The following ASAP2 variants were observed in gnomAD, a reference collection of about 807,000 sequenced individuals.
ASAP2 encodes the protein arf-GAP with SH3 domain, ANK repeat and PH domain-containing protein 2.
ASAP2 carries 45 observed loss-of-function variants against 131.4 expected under a neutral mutation model. The observed-to-expected ratio is 0.34, with a 90% CI of 0.27 to 0.44. The LOEUF (loss-of-function observed/expected upper bound fraction) is 0.44. ASAP2 is among the 20% of genes least tolerant of loss of function. The pLI, the probability that ASAP2 is intolerant of heterozygous loss-of-function variation, is 1.00. For missense variants in ASAP2, 1,011 were observed against 1,297.0 expected (o/e 0.78, Z 3.39); for synonymous variants, 510 against 503.0 (o/e 1.01, Z -0.19).
chr2:9,402,866 G>A (rs559115882), intron 27 of ASAP2, among the ~76,000 whole-genome samples: 21 of 152,160 alleles, frequency 1.4e-4, no homozygotes, highest in Non-Finnish European at 2.8e-4. Flanking sequence ...TTATACCTTT[G>A]CCACTTTAGG....
chr2:9,275,380 T>C (rs1339037568), intron 1 of ASAP2, among the ~76,000 whole-genome samples: 1 of 152,206 alleles, frequency 6.6e-6, no homozygotes, highest in Non-Finnish European at 1.5e-5. Context: ...GCCTAGTCCT[T>C]GTGTTCTTAG....
intron 2 of ASAP2, among the ~76,000 whole-genome samples, chr2:9,286,707 A>G (rs1323337312): frequency 6.6e-6 from 1 of 152,158 alleles, no homozygotes; most frequent in Non-Finnish European, 1.5e-5. Flanking sequence ...GAGAAATTGG[A>G]TGCCTCCTAT....
At chr2:9,356,432 T>C in intron 14 of ASAP2, 87 bp downstream of exon 14, 1 of 1,408,174 alleles carries the variant, frequency 7.1e-7, no homozygotes, top group Non-Finnish European at 9.5e-7. Context: ...ATTTTCACTT[T>C]CATTTCAAAC....
chr2:9,248,199 C>T lies in ASAP2; in HGVS notation c.127-31118C>T, dbSNP rs1038786437. On this transcript the variant is annotated intron_variant, in intron 1 of 27. Coordinates refer to ENST00000281419, the MANE Select transcript of ASAP2 (RefSeq NM_003887.3). ...TGGTGGCCAGCAGTTCTGCATCCCACGCTAACCACGGAGGCCACGCAGGCC... is the reference window on the plus strand; with the variant it reads ...TGGTGGCCAGCAGTTCTGCATCCCATGCTAACCACGGAGGCCACGCAGGCC... Among the ~76,000 whole-genome samples, 15 of 152,346 alleles carry T rather than the reference C, an allele frequency of 9.8e-5. 1 individual carries two copies. Among genetic ancestry groups the T allele is most frequent in the Middle Eastern group, 6.8e-3 (2 of 294 alleles).
rs1663229610 is a variant in ASAP2 at position 9,232,345 on chromosome 2, G to A, written c.126+25115G>A. ...CTCCCTGCCTGTTCTGTGAAGTTCA[G>A]CCCAGTGCCCCTTCCTTGGAGGCCA... On this transcript the variant is annotated intron_variant, in intron 1 of 27. Transcript: ENST00000281419. The surrounding 1 kb of genome is among the most constrained non-coding windows in gnomAD (Gnocchi z 4.1). Among the ~76,000 whole-genome samples the A allele has an allele frequency of 6.6e-6, 1 of 152,304 alleles. No homozygotes were observed. The highest frequency in any genetic ancestry group is 6.5e-5 in the Admixed American group (1 of 15,296).
Position 9,388,332 on chromosome 2 carries a change from C to G in ASAP2, c.2169C>G (p.Phe723Leu). The stretch of plus-strand genomic sequence containing the variant: ...GGCGGGAAGACCGGCCCATCAGCTT[C>G]TACCAGCTGGGCTCCAACCAGCTTC... ...PNRREDRPISFYQLGSNQLQS... is the reference protein window; with the variant it reads ...PNRREDRPISLYQLGSNQLQS... Residue 723 changes from phenylalanine (F) to leucine (L), a missense_variant, in exon 22 of 28, where the codon TTC becomes TTG. By Grantham distance (22) the Phe-to-Leu change is conservative (BLOSUM62 0). This residue lies in a region of ASAP2 where 652 missense variants were observed against 698.9 expected (regional missense o/e 0.93). Transcript: ENST00000281419. 6.2e-7 allele frequency: 1 copy of G among 1,614,206 alleles called. No individual in the cohort carries two copies. Among genetic ancestry groups the G allele is most frequent in the Non-Finnish European group, 8.5e-7 (1 of 1,180,032 alleles).
At chr2:9,379,581 A>C (rs1045448515) in intron 19 of ASAP2, among the ~76,000 whole-genome samples, 1 of 152,200 alleles carries the variant, frequency 6.6e-6, no homozygotes, top group Non-Finnish European at 1.5e-5. Context: ...GCCAAGGCAC[A>C]GTTGTGCCTT....
intron 1 of ASAP2, among the ~76,000 whole-genome samples, chr2:9,253,277 C>T (rs560849992): frequency 2.6e-5 from 4 of 152,046 alleles, no homozygotes; most frequent in Non-Finnish European, 4.4e-5. Flanking sequence ...GATTCTCGTG[C>T]GTCAGCCTCC....
intron 15 of ASAP2, among the ~76,000 whole-genome samples, chr2:9,363,032 A>G (rs953249643): frequency 1.3e-4 from 20 of 152,198 alleles, no homozygotes; most frequent in Admixed American, 1.0e-3. Context: ...TTTTGCATAT[A>G]AATGAGATCT....
chr2:9,297,234 A>G, intron 2 of ASAP2, 66 bp from the exon 3 acceptor site: 1 of 1,587,118 alleles, frequency 6.3e-7, no homozygotes, highest in Non-Finnish European at 8.6e-7. Flanking sequence ...CACAACCGAG[A>G]AGAACCTGGT....
In ASAP2 at chr2:9,403,580, T is replaced by C. The variant is rs745475636; in HGVS notation, c.*253T>C. Reference sequence around the variant, plus strand: ...TCCCAACAGGTGAACTGAAAAGTTATTTTAACTATTATACATAATCAAGAT... The same window carrying C: ...TCCCAACAGGTGAACTGAAAAGTTACTTTAACTATTATACATAATCAAGAT... On this transcript the variant is annotated 3_prime_UTR_variant, in exon 28 of 28. Transcript: ENST00000281419. 1 of 487,782 alleles carries C rather than the reference T, an allele frequency of 2.1e-6. No homozygotes were observed. Among genetic ancestry groups the C allele is most frequent in the Non-Finnish European group, 3.6e-6 (1 of 275,396 alleles). 30.2% of individuals were successfully genotyped at this position (487,782 alleles called of 1,614,324 possible).
chr2:9,326,011 A>G (rs1670454380), intron 6 of ASAP2, among the ~76,000 whole-genome samples: 1 of 152,234 alleles, frequency 6.6e-6, no homozygotes, highest in Admixed American at 6.5e-5. Context: ...CTTTCTTTCC[A>G]TGGGTGAGAA....
At chr2:9,393,081 C>T (rs1174749756) in intron 23 of ASAP2, among the ~76,000 whole-genome samples, 2 of 152,220 alleles carry the variant, frequency 1.3e-5, no homozygotes, top group African/African-American at 4.8e-5. Flanking sequence ...TGGGTAGGGC[C>T]TCATCCCTTT....
rs550578582 is a variant in ASAP2, at chr2:9,232,143, G to T, written c.126+24913G>T. 1.3e-5 allele frequency among the ~76,000 whole-genome samples: 2 copies of T among 152,310 alleles called. No individual in the cohort carries two copies. Among genetic ancestry groups the T allele is most frequent in the East Asian group, 3.9e-4 (2 of 5,178 alleles). ...CTGAAGACACGTTGGTGGCTTCCCT[G>T]ACCTTTTGGAAAGTAACCAGACTCT... On this transcript the variant is annotated intron_variant, in intron 1 of 27. Transcript: ENST00000281419. The surrounding 1 kb of genome is among the most constrained non-coding windows in gnomAD (Gnocchi z 4.1).
At chr2:9,317,339 A>AATCT (rs148715499) in intron 3 of ASAP2, among the ~76,000 whole-genome samples, 25 of 137,298 alleles carry the variant, frequency 1.8e-4, no homozygotes, top group Non-Finnish European at 3.2e-4. Context: ...ATCTTCACTC[A>AATCT]CACACACCCT....
intron 9 of ASAP2, among the ~76,000 whole-genome samples, chr2:9,340,274 G>A (rs774243215): frequency 7.2e-5 from 11 of 152,108 alleles, no homozygotes; most frequent in Non-Finnish European, 1.5e-4. Flanking sequence ...GCCCGCCTCC[G>A]CCTCCCAAAG....
At chr2:9,261,154 T>C (rs1019054267) in intron 1 of ASAP2, among the ~76,000 whole-genome samples, 4 of 152,114 alleles carry the variant, frequency 2.6e-5, no homozygotes, top group African/African-American at 4.8e-5. Context: ...GTAGCTGGGC[T>C]GGGGTTAGTG....
At chr2:9,373,420 A>AC (rs1354039189) in intron 16 of ASAP2, among the ~76,000 whole-genome samples, 2 of 152,126 alleles carry the variant, frequency 1.3e-5, no homozygotes, top group African/African-American at 4.8e-5. Flanking sequence ...CTGGCAAGAG[A>AC]CCTCTGCCCA....
At position 9,336,637 on chromosome 2, in the gene ASAP2, G is replaced by T. The variant is rs1671222217; in HGVS notation, c.849+1458G>T. ...CTAAGTGAGACACTGGCAGAGCAAG[G>T]TTATATTTAGTGCTAGAAAGGACCT... On this transcript the variant is annotated intron_variant, in intron 9 of 27. Transcript: ENST00000281419. Among the ~76,000 whole-genome samples the T allele has an allele frequency of 2.6e-5, 4 of 152,168 alleles. No homozygotes were observed. The South Asian group carries it at 8.3e-4, about 32-fold the overall frequency.
Sources: allele counts gnomAD v4.1 joint callset (sites outside exome capture counted in the v4.1 genomes callset), GRCh38; gene constraint gnomAD v4.1.1; regional missense constraint gnomAD v4.1.1; non-coding constraint Gnocchi (gnomAD v3.1); transcripts MANE v1.5; gene names NCBI Gene and HGNC (gene_info 2026-07-23, HGNC 2026-07-21).